The following ANKRD6 variants were observed in gnomAD, a reference collection of about 807,000 sequenced individuals.
ANKRD6 encodes the protein ankyrin repeat domain-containing protein 6.
A neutral mutation model predicts 82.3 loss-of-function variants in ANKRD6; 56 were observed. The ratio of observed to expected loss-of-function variants is 0.68; its 90% CI spans 0.55 to 0.85. The LOEUF (loss-of-function observed/expected upper bound fraction) is 0.85. ANKRD6 is among the 40% of genes least tolerant of loss of function. The pLI, the probability that ANKRD6 is intolerant of heterozygous loss-of-function variation, is 0.00. For synonymous variants in ANKRD6, 347 were observed against 352.1 expected (o/e 0.99, Z 0.16); for missense variants, 852 against 907.6 (o/e 0.94, Z 0.79).
At chr6:89,542,365 T>A (rs1236976404) in intron 1 of ANKRD6, among the ~76,000 whole-genome samples, 1 of 152,236 alleles carries the variant, frequency 6.6e-6, no homozygotes, top group East Asian at 1.9e-4. Context: ...ATGATTATTG[T>A]CAAGAGCCAT....
intron 1 of ANKRD6, among the ~76,000 whole-genome samples, chr6:89,565,872 C>G (rs1788408349): frequency 6.6e-6 from 1 of 152,298 alleles, no homozygotes; most frequent in South Asian, 2.1e-4. Flanking sequence ...CCTTGCTGTT[C>G]TAGCAGGACT....
intron 1 of ANKRD6, among the ~76,000 whole-genome samples, chr6:89,504,242 G>A (rs1240479383): frequency 2.0e-5 from 3 of 152,026 alleles, no homozygotes; most frequent in Non-Finnish European, 4.4e-5. Context: ...AGTGGTAAAC[G>A]AGGGAGAATG....
intron 1 of ANKRD6, among the ~76,000 whole-genome samples, chr6:89,477,667 AG>A (rs746228433): frequency 6.6e-6 from 1 of 150,766 alleles, no homozygotes; most frequent in African/African-American, 2.4e-5. Context: ...GCTACTCGGG[AG>A]GCTGAGGCAG....
In ANKRD6 at chr6:89,500,121, T is replaced by G. The variant is rs1407035770; in HGVS notation, c.-143-66713T>G. Among the ~76,000 whole-genome samples the G allele has an allele frequency of 4.8e-3, 733 of 152,294 alleles. 8 individuals are homozygous for G. The highest frequency in any genetic ancestry group is 0.017 in the Middle Eastern group (5 of 294). On this transcript the variant is annotated intron_variant, in intron 1 of 15. Transcript: ENST00000339746. ...CCCACCTCTGGTGGCTCTTTTATCT[T>G]GCTCCAGTTGATGACCTTGATGCTT...
At chr6:89,609,761 A>G (rs1419020982) in intron 5 of ANKRD6, among the ~76,000 whole-genome samples, 1 of 151,764 alleles carries the variant, frequency 6.6e-6, no homozygotes, top group African/African-American at 2.4e-5. Context: ...ACAGGCACAC[A>G]CCACCATGCC....
chr6:89,586,092 T>G (rs916275388), intron 2 of ANKRD6, among the ~76,000 whole-genome samples: 2 of 152,206 alleles, frequency 1.3e-5, no homozygotes, highest in African/African-American at 4.8e-5. Context: ...CCAATCTCAA[T>G]TATGAATGTT....
intron 1 of ANKRD6, among the ~76,000 whole-genome samples, chr6:89,501,956 C>T (rs77407508): frequency 3.3e-5 from 5 of 152,242 alleles, no homozygotes; most frequent in South Asian, 2.1e-4. Context: ...GTTTGTGGAT[C>T]GTTTCACCTT....
At chr6:89,463,705 T>G (rs985247036) in intron 1 of ANKRD6, among the ~76,000 whole-genome samples, 1 of 152,046 alleles carries the variant, frequency 6.6e-6, no homozygotes, top group Non-Finnish European at 1.5e-5. Context: ...CCCGCCACCA[T>G]GCCCAGCTAA....
chr6:89,538,115 AT>A (rs1478220473), intron 1 of ANKRD6, among the ~76,000 whole-genome samples: 1 of 152,162 alleles, frequency 6.6e-6, no homozygotes, highest in Non-Finnish European at 1.5e-5. Flanking sequence ...ACTTACTTAC[AT>A]TTTTTTAATT....
chr6:89,508,222 TC>T lies in ANKRD6; in HGVS notation c.-143-58609del, dbSNP rs1780106204. On this transcript the variant is annotated intron_variant, in intron 1 of 15. Coordinates refer to ENST00000339746, the MANE Select transcript of ANKRD6 (RefSeq NM_001242809.2). ...GTGGCTGGGTGGTTCTGGCTCAAGG[TC>T]CCTTGTGAGGTTGCAGTCTAAGACA... Among the ~76,000 whole-genome samples, 2 of 152,194 alleles carry T rather than the reference TC, an allele frequency of 1.3e-5. 1 individual carries two copies. The highest frequency in any genetic ancestry group is 4.1e-4 in the South Asian group (2 of 4,828).
chr6:89,446,997 C>A (rs1371302259), intron 1 of ANKRD6, among the ~76,000 whole-genome samples: 1 of 152,132 alleles, frequency 6.6e-6, no homozygotes, highest in East Asian at 1.9e-4. Flanking sequence ...GTCAATTAAA[C>A]CTCTTTCCTT....
chr6:89,575,521 C>T (rs1253284985), intron 2 of ANKRD6, among the ~76,000 whole-genome samples: 1 of 152,000 alleles, frequency 6.6e-6, no homozygotes, highest in Non-Finnish European at 1.5e-5. Flanking sequence ...AGAGCATATT[C>T]CTTGGCACCT....
intron 2 of ANKRD6, among the ~76,000 whole-genome samples, chr6:89,579,864 T>C (rs1357246788): frequency 1.3e-5 from 2 of 151,798 alleles, no homozygotes; most frequent in African/African-American, 4.8e-5. Flanking sequence ...AAGCTGATTC[T>C]AAAATTTATA....
At chr6:89,444,078 CT>C (rs913208015) in intron 1 of ANKRD6, among the ~76,000 whole-genome samples, 7 of 152,156 alleles carry the variant, frequency 4.6e-5, no homozygotes, top group Non-Finnish European at 1.5e-5. Context: ...CATTAGCCAT[CT>C]TTTTTAAAAA....
chr6:89,613,040 G>A (rs1800616887), intron 6 of ANKRD6, among the ~76,000 whole-genome samples: 1 of 152,234 alleles, frequency 6.6e-6, no homozygotes, highest in Admixed American at 6.5e-5. Context: ...ATGCAGGGGA[G>A]AAAAGTATGC....
chr6:89,466,342 G>A (rs1223769721), intron 1 of ANKRD6, among the ~76,000 whole-genome samples: 1 of 152,170 alleles, frequency 6.6e-6, no homozygotes, highest in Non-Finnish European at 1.5e-5. Flanking sequence ...TCCTTGAAGA[G>A]AAATGGAATT....
At chr6:89,580,277 G>A (rs78065573) in intron 2 of ANKRD6, among the ~76,000 whole-genome samples, 15,483 of 151,364 alleles carry the variant, frequency 0.1, 1,069 homozygotes, top group Non-Finnish European at 0.15. Flanking sequence ...TCAAGAGGCT[G>A]AATAAGTCCT....
rs115596253 is a variant in ANKRD6 at position 89,576,947 on chromosome 6, T to C, written c.120+9851T>C. Among the ~76,000 whole-genome samples, 1,167 of 152,190 alleles carry C rather than the reference T, an allele frequency of 7.7e-3. 20 individuals carry two copies. Among genetic ancestry groups the C allele is most frequent in the African/African-American group, 0.026 (1,100 of 41,510 alleles). On this transcript the variant is annotated intron_variant, in intron 2 of 15. Coordinates refer to ENST00000339746, the MANE Select transcript of ANKRD6 (RefSeq NM_001242809.2). The stretch of plus-strand genomic sequence containing the variant: ...GCATTTTTTATTTTTTATTTTTTTT[T>C]GAGACAAGAGTCTCACTATATTGCC...
chr6:89,595,959 T>A lies in ANKRD6; in HGVS notation c.164T>A (p.Leu55His), dbSNP rs760257303. The change falls in exon 3 of 16, where the codon CTT becomes CAT. Residue 55 changes from leucine to histidine, a missense_variant. Leu to His is a moderately conservative substitution (Grantham distance 99). Transcript: ENST00000339746. The part of the protein sequence containing the change: ...PLHLAANKGH[L>H]PVVQILLKAG... ...CATCTTGCTGCCAATAAGGGCCATC[T>A]TCCTGTGGTCCAGATCTTGCTGAAG... 6.2e-7 allele frequency: 1 copy of A among 1,611,178 alleles called. No individual in the cohort carries two copies. Among genetic ancestry groups the A allele is most frequent in the Non-Finnish European group, 8.5e-7 (1 of 1,178,822 alleles).
Sources: allele counts gnomAD v4.1 joint callset (sites outside exome capture counted in the v4.1 genomes callset), GRCh38; gene constraint gnomAD v4.1.1; transcripts MANE v1.5; gene names NCBI Gene and HGNC (gene_info 2026-07-23, HGNC 2026-07-21).